PCDHA5: variants seen among roughly 807,000 people sequenced by gnomAD.
PCDHA5 encodes the protein protocadherin alpha 5.
PCDHA5 carries 43 observed loss-of-function variants against 61.6 expected under a neutral mutation model. The ratio of observed to expected loss-of-function variants is 0.70; its 90% CI spans 0.55 to 0.90. The LOEUF (loss-of-function observed/expected upper bound fraction) is 0.90. Ranked by LOEUF, PCDHA5 falls within the 40% of genes least tolerant of loss-of-function variation. PCDHA5 has a pLI of 0.00. For missense variants in PCDHA5, 1,298 were observed against 1,222.7 expected (o/e 1.06, Z -0.92); for synonymous variants, 627 against 543.9 (o/e 1.15, Z -2.13).
chr5:140,866,367 C>T (rs1375421273), intron 1 of PCDHA5: 1 of 152,082 alleles, frequency 6.6e-6, no homozygotes, highest in African/African-American at 2.4e-5. Flanking sequence ...ATATTGCATA[C>T]TTCAATAACA....
At chr5:140,971,487 C>T (rs1285006281) in intron 1 of PCDHA5, among the ~76,000 whole-genome samples, 1 of 152,110 alleles carries the variant, frequency 6.6e-6, no homozygotes, top group African/African-American at 2.4e-5. Flanking sequence ...CACATTGTTA[C>T]AGTGTGGCAA....
intron 1 of PCDHA5, among the ~76,000 whole-genome samples, chr5:140,937,823 A>T (rs2091776135): frequency 6.6e-6 from 1 of 151,692 alleles, no homozygotes; most frequent in Admixed American, 6.6e-5. Context: ...GAGGCAGGAG[A>T]ATGGCATGAA....
chr5:140,875,438 T>A, intron 1 of PCDHA5: 1 of 1,568,134 alleles, frequency 6.4e-7, no homozygotes, highest in Non-Finnish European at 8.6e-7. Flanking sequence ...CCCTTAAAAC[T>A]GATTGTCCCA....
In PCDHA5 at chr5:140,927,655, G is replaced by C. The variant is rs782653279; in HGVS notation, c.2353-51294G>C. On this transcript the variant is annotated intron_variant, in intron 1 of 3. Transcript: ENST00000529859. Reference sequence around the variant, plus strand: ...ACCCAATGGGACTGTGTTATTCCGAGTTCAAGCCTTGGATCCAGATGAAGG... The same window carrying C: ...ACCCAATGGGACTGTGTTATTCCGACTTCAAGCCTTGGATCCAGATGAAGG... The C allele has an allele frequency of 1.2e-5, 20 of 1,614,130 alleles. No individual in the cohort carries two copies. In the Admixed American group the frequency reaches 2.3e-4, roughly 19 times the overall value.
At chr5:140,856,571 G>T in intron 1 of PCDHA5, 1 of 1,597,838 alleles carries the variant, frequency 6.3e-7, no homozygotes, top group African/African-American at 1.3e-5. Context: ...CAGTCCAAAT[G>T]AGTATTTTGT....
intron 1 of PCDHA5, chr5:140,842,909 C>T: frequency 6.3e-7 from 1 of 1,594,530 alleles, no homozygotes; most frequent in Non-Finnish European, 8.6e-7. Flanking sequence ...GGAGCTAGAG[C>T]TGCTGCAGTT....
At chr5:140,931,717 C>G (rs2087694120) in intron 1 of PCDHA5, among the ~76,000 whole-genome samples, 1 of 151,872 alleles carries the variant, frequency 6.6e-6, no homozygotes, top group Admixed American at 6.6e-5. Flanking sequence ...AAAATAACTT[C>G]TATAAATATG....
intron 1 of PCDHA5, chr5:140,854,176 A>AAT: frequency 1.5e-6 from 1 of 663,712 alleles, no homozygotes; most frequent in Non-Finnish European, 1.9e-6. Flanking sequence ...AAAAAAAAAA[A>AAT]GAGTAGTTTA....
Position 140,972,800 on chromosome 5 carries a change from A to G in PCDHA5, c.2353-6149A>G, listed in dbSNP as rs937312575. ...TGCCTCAGCCTCCTGAGTAGCTGAGATTACAGGCACGCGCCACCACGCCTG... is the reference window on the plus strand; with the variant it reads ...TGCCTCAGCCTCCTGAGTAGCTGAGGTTACAGGCACGCGCCACCACGCCTG... On this transcript the variant is annotated intron_variant, in intron 1 of 3. Transcript: ENST00000529859. Among the ~76,000 whole-genome samples, 8 of 151,520 alleles carry G rather than the reference A, an allele frequency of 5.3e-5. No individual in the cohort carries two copies. In the South Asian group the frequency reaches 6.3e-4, roughly 12 times the overall value.
At position 140,877,685 on chromosome 5, in the gene PCDHA5, C is replaced by T. The variant is rs377753884; in HGVS notation, c.2352+53558C>T. On this transcript the variant is annotated intron_variant, in intron 1 of 3. Transcript: ENST00000529859. Reference sequence around the variant, plus strand: ...AGCCGGTGCGCGCCGGGCAAGCCCACGCTGGTGTGCTCCAGCGCCGTGGGG... The same window carrying T: ...AGCCGGTGCGCGCCGGGCAAGCCCATGCTGGTGTGCTCCAGCGCCGTGGGG... 3.4e-5 allele frequency: 55 copies of T among 1,613,628 alleles called. No homozygotes were observed. Among genetic ancestry groups the T allele is most frequent in the Non-Finnish European group, 4.6e-5 (54 of 1,179,904 alleles).
At chr5:140,834,917 C>A in intron 1 of PCDHA5, 2 of 1,590,474 alleles carry the variant, frequency 1.3e-6, no homozygotes, top group Non-Finnish European at 1.7e-6. Flanking sequence ...ATGAGTATTT[C>A]TTCCTGGACG....
At chr5:140,975,003 A>G (rs1170426656) in intron 1 of PCDHA5, among the ~76,000 whole-genome samples, 3 of 152,152 alleles carry the variant, frequency 2.0e-5, no homozygotes, top group Non-Finnish European at 4.4e-5. Flanking sequence ...CAAGGCTGAA[A>G]TGAACACAGC....
chr5:140,834,255 C>T, intron 1 of PCDHA5: 1 of 936,844 alleles, frequency 1.1e-6, no homozygotes, highest in South Asian at 1.7e-5. Context: ...TGGAAAGACG[C>T]TCCACTCTCT....
chr5:141,006,491 G>A (rs142641127), intron 3 of PCDHA5, among the ~76,000 whole-genome samples: 4,876 of 152,234 alleles, frequency 0.032, 273 homozygotes, highest in African/African-American at 0.11. Context: ...GGGATTACAT[G>A]TGTGAGCCAC....
chr5:140,954,698 A>C (rs185399105), intron 1 of PCDHA5, among the ~76,000 whole-genome samples: 5 of 152,208 alleles, frequency 3.3e-5, no homozygotes, highest in African/African-American at 1.2e-4. Context: ...TAGACTACAA[A>C]ATTTTTCTCC....
At chr5:140,896,089 G>GGATTA (rs2065370419) in intron 1 of PCDHA5, among the ~76,000 whole-genome samples, 1 of 152,010 alleles carries the variant, frequency 6.6e-6, no homozygotes, top group Non-Finnish European at 1.5e-5. Flanking sequence ...GGGATTACAG[G>GGATTA]CGTGAGCCAC....
chr5:140,888,941 TAA>T (rs1361014830), intron 1 of PCDHA5, among the ~76,000 whole-genome samples: 2 of 152,086 alleles, frequency 1.3e-5, no homozygotes, highest in Non-Finnish European at 1.5e-5. Flanking sequence ...GAGGGAGGTA[TAA>T]ATTTTTTCTT....
intron 1 of PCDHA5, chr5:140,857,580 C>T: frequency 6.3e-7 from 1 of 1,596,630 alleles, no homozygotes; most frequent in African/African-American, 1.3e-5. Flanking sequence ...TCGGTGCACG[C>T]GGAGAGCGGC....
rs781870271 is a variant in PCDHA5, at chr5:140,968,199, T to C, written c.2353-10750T>C. The C allele has an allele frequency of 4.3e-6, 7 of 1,613,986 alleles. No homozygotes were observed. The South Asian group carries it at 7.7e-5, about 18-fold the overall frequency. The stretch of plus-strand genomic sequence containing the variant: ...CTGGAGGACTCCTATTCCATCTACA[T>C]ACAGGAGAACAATTTGCCAGGTGTG... On this transcript the variant is annotated intron_variant, in intron 1 of 3. Transcript: ENST00000529859.
Sources: allele counts gnomAD v4.1 joint callset (sites outside exome capture counted in the v4.1 genomes callset), GRCh38; gene constraint gnomAD v4.1.1; transcripts MANE v1.5; gene names NCBI Gene and HGNC (gene_info 2026-07-23, HGNC 2026-07-21).